DYNC1I2: variants seen among roughly 807,000 people sequenced by gnomAD.
DYNC1I2 encodes the protein dynein cytoplasmic 1 intermediate chain 2, also known as cytoplasmic dynein 1 intermediate chain 2.
Under a neutral mutation model 88.6 loss-of-function variants are expected in DYNC1I2, and 53 were observed. That is an observed-to-expected ratio of 0.60 (90% CI 0.48 to 0.75). The LOEUF (loss-of-function observed/expected upper bound fraction) is 0.75. Ranked by LOEUF, DYNC1I2 falls within the 30% of genes least tolerant of loss-of-function variation. DYNC1I2 has a pLI of 0.00. For synonymous variants in DYNC1I2, 198 were observed against 254.6 expected (o/e 0.78, Z 2.12); for missense variants, 458 against 766.6 (o/e 0.60, Z 4.75).
intron 5 of DYNC1I2, among the ~76,000 whole-genome samples, chr2:171,708,017 T>C (rs975577500): frequency 1.3e-5 from 2 of 151,672 alleles, no homozygotes; most frequent in Middle Eastern, 3.2e-3. Flanking sequence ...CAGCTTTCTT[T>C]CAAAGATCAT....
chr2:171,709,731 C>A (rs935352074), intron 5 of DYNC1I2, among the ~76,000 whole-genome samples: 1 of 151,766 alleles, frequency 6.6e-6, no homozygotes, highest in African/African-American at 2.4e-5. Flanking sequence ...TTCTTTTTTT[C>A]TTTGAGATGG....
chr2:171,694,660 A>G (rs1212877325), intron 3 of DYNC1I2, among the ~76,000 whole-genome samples: 1 of 152,146 alleles, frequency 6.6e-6, no homozygotes, highest in Non-Finnish European at 1.5e-5. Flanking sequence ...TCCGTCTCAA[A>G]AAAAAAGAAA....
At chr2:171,714,242 T>C (rs902468733) in intron 6 of DYNC1I2, among the ~76,000 whole-genome samples, 1 of 148,288 alleles carries the variant, frequency 6.7e-6, no homozygotes, top group African/African-American at 2.4e-5. Flanking sequence ...ATTAAAAAAT[T>C]GTTATGGCCC....
chr2:171,699,446 G>C (rs1686039414), intron 3 of DYNC1I2, among the ~76,000 whole-genome samples: 1 of 152,016 alleles, frequency 6.6e-6, no homozygotes, highest in Non-Finnish European at 1.5e-5. Context: ...AAAATAAATT[G>C]GTCAGTTTTT....
intron 5 of DYNC1I2, among the ~76,000 whole-genome samples, chr2:171,709,111 T>C (rs899958976): frequency 6.6e-6 from 1 of 152,216 alleles, no homozygotes; most frequent in Non-Finnish European, 1.5e-5. Flanking sequence ...ACTATATTTA[T>C]TAAATGTCTT....
At position 171,706,544 on chromosome 2, in the gene DYNC1I2, C is replaced by A. The variant is rs1686688799; in HGVS notation, c.227-3C>A. ...TGTCTGTATCTTTGTCTGTACACTT[C>A]AGTTTTTTCTGAATACTGGGGTAAG... is the stretch of plus-strand genomic sequence containing the variant. On this transcript the variant is annotated splice_region_variant and splice_polypyrimidine_tract_variant and intron_variant, in intron 3 of 17. Transcript: ENST00000397119. 6.2e-7 allele frequency: 1 copy of A among 1,611,680 alleles called. No homozygotes were observed. The highest frequency in any genetic ancestry group is 1.1e-5 in the South Asian group (1 of 90,926).
In DYNC1I2 at chr2:171,748,780, T is replaced by C. The variant is rs1689952504; in HGVS notation, c.*891T>C. Among the ~76,000 whole-genome samples the C allele has an allele frequency of 6.6e-6, 1 of 152,242 alleles. No individual in the cohort carries two copies. Among genetic ancestry groups the C allele is most frequent in the African/African-American group, 2.4e-5 (1 of 41,476 alleles). On this transcript the variant is annotated 3_prime_UTR_variant, in exon 18 of 18. Coordinates refer to ENST00000397119, the MANE Select transcript of DYNC1I2 (RefSeq NM_001378.3). ...AAATCTTTGAGAGAAATTGATTTCA[T>C]GATTTCAGTAGCCATAAAGGCAAAG...
At chr2:171,741,028 A>T (rs994461113) in intron 15 of DYNC1I2, among the ~76,000 whole-genome samples, 11 of 152,160 alleles carry the variant, frequency 7.2e-5, no homozygotes, top group African/African-American at 2.4e-4. Context: ...TCTGCCTGTT[A>T]TGGACAGTTC....
chr2:171,739,688 A>G (rs569550895), intron 15 of DYNC1I2, among the ~76,000 whole-genome samples: 1 of 142,356 alleles, frequency 7.0e-6, no homozygotes, highest in East Asian at 2.1e-4. Flanking sequence ...TTTGCGATTG[A>G]CATATCTCTT....
At chr2:171,729,583 T>A in intron 14 of DYNC1I2, 126 bp from the exon 15 acceptor site, 1 of 965,264 alleles carries the variant, frequency 1.0e-6, no homozygotes, top group Non-Finnish European at 1.5e-6. Context: ...TCTGATAAGT[T>A]ATGAGCACAG....
At chr2:171,730,702 TG>T (rs1688546073) in intron 15 of DYNC1I2, among the ~76,000 whole-genome samples, 3 of 152,314 alleles carry the variant, frequency 2.0e-5, no homozygotes, top group East Asian at 3.9e-4. Context: ...AATTCTAAGG[TG>T]TTTTTTTTTC....
chr2:171,698,855 C>A (rs901073205), intron 3 of DYNC1I2, among the ~76,000 whole-genome samples: 1 of 150,536 alleles, frequency 6.6e-6, no homozygotes, highest in African/African-American at 2.4e-5. Context: ...AGTGACAGAG[C>A]GAGACTCTGT....
At chr2:171,727,578 ATTAG>A (rs1411432532) in intron 11 of DYNC1I2, among the ~76,000 whole-genome samples, 1 of 152,108 alleles carries the variant, frequency 6.6e-6, no homozygotes, top group Non-Finnish European at 1.5e-5. Flanking sequence ...TCTTTGATAA[ATTAG>A]TTAAACCTAC....
At position 171,747,933 on chromosome 2, in the gene DYNC1I2, T is replaced by C; in HGVS notation, c.*44T>C. 7.4e-7 allele frequency: 1 copy of C among 1,351,110 alleles called. No individual in the cohort carries two copies. Among genetic ancestry groups the C allele is most frequent in the Middle Eastern group, 2.6e-4 (1 of 3,880 alleles). The allele number at this position is 1,351,110 out of a possible 1,614,324, so 83.7% of individuals were successfully genotyped here. On this transcript the variant is annotated 3_prime_UTR_variant, in exon 18 of 18. Transcript: ENST00000397119. ...TAACTAGTGGATTTGGGAAAGGTTC[T>C]TAAGTAGATCCTGAGACTATTTGCA...
At chr2:171,712,673 A>T in intron 5 of DYNC1I2, 94 bp from the exon 6 acceptor site, 1 of 871,178 alleles carries the variant, frequency 1.1e-6, no homozygotes, top group Non-Finnish European at 1.8e-6. Flanking sequence ...AATTGTGAAT[A>T]GTACTTTAGC....
intron 5 of DYNC1I2, among the ~76,000 whole-genome samples, chr2:171,710,960 C>T (rs1687080318): frequency 6.6e-6 from 1 of 151,312 alleles, no homozygotes; most frequent in African/African-American, 2.4e-5. Context: ...TGTTGGTGTG[C>T]TGCACTCATT....
intron 10 of DYNC1I2, 91 bp from the exon 11 acceptor site, chr2:171,726,700 G>T: frequency 6.8e-7 from 1 of 1,460,416 alleles, no homozygotes; most frequent in African/African-American, 1.4e-5. Flanking sequence ...TGTATTTGCA[G>T]AATAATAATC....
intron 3 of DYNC1I2, among the ~76,000 whole-genome samples, chr2:171,699,567 G>C (rs1214767933): frequency 9.2e-5 from 14 of 151,532 alleles, no homozygotes; most frequent in Admixed American, 9.2e-4. Flanking sequence ...AGAGAGTAGA[G>C]AGCAGGGGTT....
intron 5 of DYNC1I2, among the ~76,000 whole-genome samples, chr2:171,708,333 GA>G (rs145294423): frequency 1.3e-5 from 2 of 150,156 alleles, no homozygotes; most frequent in African/African-American, 4.9e-5. Context: ...GACAGGGCAA[GA>G]AAAAAAAAGC....
Sources: allele counts gnomAD v4.1 joint callset (sites outside exome capture counted in the v4.1 genomes callset), GRCh38; gene constraint gnomAD v4.1.1; transcripts MANE v1.5; gene names NCBI Gene and HGNC (gene_info 2026-07-23, HGNC 2026-07-21).